The following KRT8 variants were observed in gnomAD, a reference collection of about 807,000 sequenced individuals.
KRT8 encodes the protein keratin 8, also known as keratin, type II cytoskeletal 8.
Under a neutral mutation model 43.0 loss-of-function variants are expected in KRT8, and 24 were observed. That is an observed-to-expected ratio of 0.56 (90% CI 0.40 to 0.78). KRT8 has a LOEUF of 0.78. Among genes scored for constraint, KRT8 ranks in the 30% least tolerant of loss-of-function variants. KRT8 has a pLI of 0.00. For synonymous variants in KRT8, 214 were observed against 261.2 expected, an observed-to-expected ratio of 0.82 and a Z score of 1.74; for missense variants, 492 against 638.4, an observed-to-expected ratio of 0.77 and a Z score of 2.47.
intron 2 of KRT8, among the ~76,000 whole-genome samples, chr12:52,932,534 T>G (rs1317481748): frequency 6.6e-6 from 1 of 152,168 alleles, no homozygotes; most frequent in East Asian, 1.9e-4. Flanking sequence ...TATTCAACAT[T>G]GTACTGAACG....
intron 2 of KRT8, among the ~76,000 whole-genome samples, chr12:52,916,336 G>A (rs1381749088): frequency 1.3e-5 from 2 of 152,234 alleles, no homozygotes; most frequent in East Asian, 1.9e-4. Context: ...GATAGGGATG[G>A]ACTCAAGCTA....
chr12:52,903,470 G>C (rs1184222428), intron 1 of KRT8: 1 of 152,236 alleles, frequency 6.6e-6, no homozygotes, highest in African/African-American at 2.4e-5. Flanking sequence ...GGTTCCTGGG[G>C]CTCCGGTTCC....
At chr12:52,949,027 C>A (rs1942405291) in intron 2 of KRT8, 1 of 723,040 alleles carries the variant, frequency 1.4e-6, no homozygotes. Context: ...GGCTCCGAGC[C>A]GTCCACCTGT....
chr12:52,949,099 G>T, intron 2 of KRT8: 3 of 1,334,548 alleles, frequency 2.2e-6, no homozygotes, highest in Non-Finnish European at 3.1e-6. Flanking sequence ...ATATAACTCG[G>T]GTCGCGCGGC....
intron 2 of KRT8, among the ~76,000 whole-genome samples, chr12:52,942,089 G>T (rs1335605279): frequency 2.0e-5 from 3 of 152,038 alleles, no homozygotes; most frequent in Non-Finnish European, 4.4e-5. Context: ...GATTATTATT[G>T]TCTAGTTGTA....
upstream of KRT8, chr12:52,905,220 G>C: frequency 1.1e-5 from 7 of 632,108 alleles, no homozygotes; most frequent in African/African-American, 1.8e-5. Context: ...GAGAGCTGCC[G>C]CCACCCAAGG....
At chr12:52,949,250 C>T (rs11551634) in intron 2 of KRT8, 2 of 1,611,290 alleles carry the variant, frequency 1.2e-6, no homozygotes, top group Non-Finnish European at 8.5e-7. Context: ...AGCTACGGCG[C>T]CCGGCCGGTC....
chr12:52,913,700 C>G (rs1167375356), intron 2 of KRT8, among the ~76,000 whole-genome samples: 1 of 152,124 alleles, frequency 6.6e-6, no homozygotes, highest in Non-Finnish European at 1.5e-5. Context: ...CTGACGCACA[C>G]GCCAAGGTGC....
intron 2 of KRT8, among the ~76,000 whole-genome samples, chr12:52,928,926 G>A (rs375352706): frequency 1.3e-5 from 2 of 151,908 alleles, no homozygotes; most frequent in African/African-American, 4.8e-5. Context: ...AAATAGAAAG[G>A]GAATCATCCT....
chr12:52,917,708 C>CAAAAAAA (rs535303270), intron 2 of KRT8, among the ~76,000 whole-genome samples: 1 of 29,946 alleles, frequency 3.3e-5, no homozygotes, highest in African/African-American at 2.2e-4. Context: ...GACTCTGTCT[C>CAAAAAAA]AAAAAAAAAA....
chr12:52,910,764 AC>A (rs971577555), upstream of KRT8, among the ~76,000 whole-genome samples: 1 of 151,876 alleles, frequency 6.6e-6, no homozygotes, highest in African/African-American at 2.4e-5. Context: ...GCCCACCCCC[AC>A]CCCAGCCCTG....
chr12:52,944,783 C>T (rs1942318968), intron 2 of KRT8, among the ~76,000 whole-genome samples: 3 of 152,192 alleles, frequency 2.0e-5, no homozygotes, highest in Admixed American at 6.5e-5. Context: ...TCGACTCTCC[C>T]ACCCCTGGGG....
chr12:52,931,612 A>C (rs930365958), intron 2 of KRT8, among the ~76,000 whole-genome samples: 3 of 151,020 alleles, frequency 2.0e-5, no homozygotes, highest in Non-Finnish European at 4.4e-5. Context: ...AACCTTTCCC[A>C]CTTTATCTCC....
At chr12:52,940,625 A>ATTT (rs71092795) in intron 2 of KRT8, among the ~76,000 whole-genome samples, 1 of 127,562 alleles carries the variant, frequency 7.8e-6, no homozygotes, top group African/African-American at 3.0e-5. Flanking sequence ...AACACAGTGG[A>ATTT]TTTTTTTTTT....
At chr12:52,909,936 C>T (rs1941598918), upstream of KRT8, among the ~76,000 whole-genome samples, 1 of 152,102 alleles carries the variant, frequency 6.6e-6, no homozygotes, top group African/African-American at 2.4e-5. Context: ...AGGTCTCCCA[C>T]ACTTTTTTTT....
chr12:52,940,084 T>A (rs536804372), intron 2 of KRT8, among the ~76,000 whole-genome samples: 3 of 152,038 alleles, frequency 2.0e-5, no homozygotes, highest in Non-Finnish European at 4.4e-5. Flanking sequence ...TACCCTGCAA[T>A]AACATAGATG....
At chr12:52,906,917 C>T (rs1592168064), upstream of KRT8, 1 of 369,360 alleles carries the variant, frequency 2.7e-6, no homozygotes, top group East Asian at 7.3e-5. Flanking sequence ...GACCCAGAAG[C>T]CCCCTCCTTG....
chr12:52,918,585 G>C (rs1487951886), intron 2 of KRT8, among the ~76,000 whole-genome samples: 1 of 152,202 alleles, frequency 6.6e-6, no homozygotes, highest in Non-Finnish European at 1.5e-5. Context: ...GACAGAGGGT[G>C]CAACCAGAAG....
exon 2 of KRT8, chr12:52,901,976 C>T (rs772982434): frequency 1.8e-5 from 29 of 1,606,066 alleles, no homozygotes; most frequent in Non-Finnish European, 2.3e-5. Flanking sequence ...ATGTAGCTCT[C>T]GAACATGTTG....
Sources: gnomAD v4.1 joint callset for allele counts (sites outside exome capture counted in the v4.1 genomes callset) on GRCh38, gnomAD v4.1.1 for gene constraint, MANE v1.5 for transcripts, NCBI Gene and HGNC (gene_info 2026-07-23, HGNC 2026-07-21) for gene names.